Variants in EBF3 observed in about 807,000 individuals in gnomAD.
The protein encoded by EBF3 is transcription factor COE3.
A neutral mutation model predicts 77.1 loss-of-function variants in EBF3; 18 were observed. The observed-to-expected ratio is 0.23, with a 90% CI of 0.16 to 0.35. EBF3 has a LOEUF of 0.35. Ranked by LOEUF, EBF3 falls within the 10% of genes least tolerant of loss-of-function variation. The pLI is 1.00. For missense variants in EBF3, 558 were observed against 860.0 expected, an observed-to-expected ratio of 0.65 and a Z score of 4.39; for synonymous variants, 350 against 343.5, an observed-to-expected ratio of 1.02 and a Z score of -0.21.
At chr10:129,915,309 T>G (rs572275348) in intron 6 of EBF3, among the ~76,000 whole-genome samples, 145 of 152,274 alleles carry the variant, frequency 9.5e-4, no homozygotes, top group African/African-American at 3.4e-3. Flanking sequence ...AAAGGATGGC[T>G]GGGGGTTCCT....
chr10:129,873,321 C>G (rs557275223), intron 8 of EBF3, 131 bp downstream of exon 8: 273 of 1,141,286 alleles, frequency 2.4e-4, no homozygotes, highest in Non-Finnish European at 3.0e-4. Context: ...ACCCCCTCAT[C>G]CTGCCTTGGT....
intron 8 of EBF3, among the ~76,000 whole-genome samples, chr10:129,871,426 G>A (rs537767938): frequency 5.3e-4 from 80 of 152,286 alleles, no homozygotes; most frequent in Admixed American, 3.7e-3. Context: ...AACCATCAGC[G>A]ACTGTGTACA....
At chr10:129,871,121 TGCATAAACCTAACC>T (rs1200697256) in intron 8 of EBF3, among the ~76,000 whole-genome samples, 1 of 152,206 alleles carries the variant, frequency 6.6e-6, no homozygotes, top group Non-Finnish European at 1.5e-5. Flanking sequence ...TTGTCCTTAT[TGCATAAACCTAACC>T]GCATTACGGC....
chr10:129,894,395 A>G (rs894130348), intron 6 of EBF3, among the ~76,000 whole-genome samples: 2 of 152,234 alleles, frequency 1.3e-5, no homozygotes, highest in Non-Finnish European at 2.9e-5. Flanking sequence ...TGTCAGTTTT[A>G]GGACGACCAG....
At chr10:129,945,102 A>AG (rs1267609330) in intron 6 of EBF3, among the ~76,000 whole-genome samples, 2 of 7,370 alleles carry the variant, frequency 2.7e-4, no homozygotes, top group Admixed American at 1.3e-3. Context: ...AAGGGAGGGG[A>AG]GGGGAAGGGG....
chr10:129,876,900 C>G (rs74162519), intron 7 of EBF3, among the ~76,000 whole-genome samples: 2 of 99,334 alleles, frequency 2.0e-5, no homozygotes, highest in Admixed American at 1.1e-4. Flanking sequence ...CCCCCCCCCC[C>G]CACCCAGCTA....
intron 10 of EBF3, among the ~76,000 whole-genome samples, chr10:129,850,128 C>T (rs753650717): frequency 5.9e-5 from 9 of 152,226 alleles, no homozygotes; most frequent in South Asian, 2.1e-4. Context: ...ACAAAAAAGG[C>T]GGCCCACTGC....
chr10:129,860,615 C>T (rs572177663), intron 10 of EBF3, among the ~76,000 whole-genome samples: 1 of 152,304 alleles, frequency 6.6e-6, no homozygotes, highest in East Asian at 1.9e-4. Context: ...AAAGCCCCCT[C>T]GGATGACAGA....
intron 6 of EBF3, among the ~76,000 whole-genome samples, chr10:129,888,875 A>G (rs1002798774): frequency 6.6e-6 from 1 of 152,248 alleles, no homozygotes; most frequent in African/African-American, 2.4e-5. Context: ...TGATTCTGCA[A>G]TTACAAAAAA....
chr10:129,838,921 T>C (rs1254782839), intron 16 of EBF3, among the ~76,000 whole-genome samples, 162 bp downstream of exon 16: 1 of 152,164 alleles, frequency 6.6e-6, no homozygotes, highest in Non-Finnish European at 1.5e-5. Flanking sequence ...CCCGACCCCG[T>C]GTCACGGGCA....
At chr10:129,899,173 T>C (rs575314007) in intron 6 of EBF3, among the ~76,000 whole-genome samples, 2 of 152,220 alleles carry the variant, frequency 1.3e-5, no homozygotes, top group Admixed American at 6.5e-5. Context: ...AAGAGCTACA[T>C]TGTGAGCTTC....
intron 6 of EBF3, among the ~76,000 whole-genome samples, chr10:129,904,610 G>A (rs771902749): frequency 1.2e-4 from 18 of 147,888 alleles, no homozygotes; most frequent in Non-Finnish European, 2.5e-4. Context: ...ATGGATAGAC[G>A]GATGGCTGGA....
intron 7 of EBF3, among the ~76,000 whole-genome samples, chr10:129,875,283 GC>G (rs1852691815): frequency 7.6e-6 from 1 of 131,146 alleles, no homozygotes; most frequent in South Asian, 2.7e-4. Flanking sequence ...CCCAACCTCC[GC>G]CTCCTGGGTT....
chr10:129,951,166 C>T (rs545052723), intron 6 of EBF3, among the ~76,000 whole-genome samples: 4 of 152,318 alleles, frequency 2.6e-5, no homozygotes, highest in South Asian at 4.1e-4. Flanking sequence ...TTCGGCATCA[C>T]GAGAAGGCCT....
intron 6 of EBF3, among the ~76,000 whole-genome samples, chr10:129,898,545 G>A (rs1033340145): frequency 1.3e-5 from 2 of 152,188 alleles, no homozygotes; most frequent in South Asian, 4.1e-4. Flanking sequence ...TGGCTCACAA[G>A]CACGGTTTGC....
At chr10:129,929,193 T>TA (rs1856851585) in intron 6 of EBF3, among the ~76,000 whole-genome samples, 1 of 152,264 alleles carries the variant, frequency 6.6e-6, no homozygotes, top group Admixed American at 6.5e-5. Flanking sequence ...CTTTATTTTT[T>TA]ATCTTTATTT....
intron 6 of EBF3, among the ~76,000 whole-genome samples, chr10:129,913,080 T>C (rs1269334610): frequency 6.6e-6 from 1 of 152,234 alleles, no homozygotes; most frequent in Non-Finnish European, 1.5e-5. Context: ...TTTAAACAAA[T>C]GTGTTTCTTG....
Position 129,841,123 on chromosome 10 carries a change from A to G in EBF3, c.1373-91T>C, listed in dbSNP as rs866941299. ...CCCCGAGAATCTATATCATATATTAACATTGCTAATTGACCCTGTGCTTTC... is the reference window on the plus strand; with the variant it reads ...CCCCGAGAATCTATATCATATATTAGCATTGCTAATTGACCCTGTGCTTTC... On this transcript the variant is annotated intron_variant, in intron 13 of 16. Transcript: ENST00000440978. This position sits in a 1 kb window ranked among gnomAD's most constrained non-coding sequence, Gnocchi z 4.6. The G allele has an allele frequency of 2.1e-5, 32 of 1,502,812 alleles. 1 individual carries two copies. Among genetic ancestry groups the G allele is most frequent in the Middle Eastern group, 4.9e-4 (2 of 4,092 alleles). The allele number at this position is 1,502,812 out of a possible 1,614,324, so 93.1% of individuals were successfully genotyped here.
chr10:129,841,154 G>C lies in EBF3; in HGVS notation c.1373-122C>G, dbSNP rs1850024999. The C allele has an allele frequency of 3.1e-6, 4 of 1,308,462 alleles. No homozygotes were observed. Among genetic ancestry groups the C allele is most frequent in the Non-Finnish European group, 4.1e-6 (4 of 970,980 alleles). 81.1% of individuals were successfully genotyped at this position (1,308,462 alleles called of 1,614,324 possible). A position where few individuals can be genotyped will look rare whatever the true frequency, so the allele number is the denominator to read the frequency against. On this transcript the variant is annotated intron_variant, in intron 13 of 16. Transcript: ENST00000440978. The surrounding 1 kb of genome is among the most constrained non-coding windows in gnomAD (Gnocchi z 4.6). ...CTAATTGACCCTGTGCTTTCCACCT[G>C]CTCTAGCGCCTGCTGCCAGCTCGGA...
Sources: allele counts gnomAD v4.1 joint callset (sites outside exome capture counted in the v4.1 genomes callset), GRCh38; gene constraint gnomAD v4.1.1; non-coding constraint Gnocchi (gnomAD v3.1); transcripts MANE v1.5; gene names NCBI Gene and HGNC (gene_info 2026-07-23, HGNC 2026-07-21).